NALCN: variants seen among roughly 807,000 people sequenced by gnomAD.
The protein encoded by NALCN is sodium leak channel, non-selective, also known as sodium leak channel NALCN.
In NALCN, 111 loss-of-function variants were observed where a neutral mutation model predicts 225.3. The ratio of observed to expected loss-of-function variants is 0.49; its 90% CI spans 0.42 to 0.58. NALCN has a LOEUF of 0.58. Ranked by LOEUF, NALCN falls within the 20% of genes least tolerant of loss-of-function variation. The pLI is 0.00. For missense variants in NALCN, 1,378 were observed against 2,202.4 expected, an observed-to-expected ratio of 0.63 and a Z score of 7.49; for synonymous variants, 764 against 769.0, an observed-to-expected ratio of 0.99 and a Z score of 0.11.
intron 27 of NALCN, among the ~76,000 whole-genome samples, 174 bp from the exon 28 acceptor site, chr13:101,095,854 T>C (rs2034473880): frequency 6.6e-6 from 1 of 152,032 alleles, no homozygotes; most frequent in Admixed American, 6.6e-5. Flanking sequence ...GACAGGCAGT[T>C]AAAAATCGAT....
chr13:101,304,118 T>C (rs2044069130), intron 7 of NALCN, among the ~76,000 whole-genome samples: 1 of 152,206 alleles, frequency 6.6e-6, no homozygotes, highest in African/African-American at 2.4e-5. Context: ...AGCCAGGTGT[T>C]TGAGCTTCAA....
rs148584996 is a variant in NALCN at position 101,211,310 on chromosome 13, C to G, written c.1626+18083G>C. ...AAAACTACCAAAATAAGATGAGCTG[C>G]AAAAATAGGTTCTCCCTGAAAGAGT... is the stretch of plus-strand genomic sequence containing the variant. On this transcript the variant is annotated intron_variant, in intron 13 of 43. Transcript: ENST00000251127. 4.7e-3 allele frequency among the ~76,000 whole-genome samples: 716 copies of G among 152,030 alleles called. 8 individuals are homozygous for G. Among genetic ancestry groups the G allele is most frequent in the African/African-American group, 0.017 (697 of 41,470 alleles).
In NALCN at chr13:101,238,019, C is replaced by T. The variant is rs571599448; in HGVS notation, c.1267-97G>A. Reference sequence around the variant, plus strand: ...TCAGTGTATGAATTTTTGCCACTATCATATACACTAAGGTGCCCCATAAGG... The same window carrying T: ...TCAGTGTATGAATTTTTGCCACTATTATATACACTAAGGTGCCCCATAAGG... On this transcript the variant is annotated intron_variant, in intron 11 of 43. Transcript: ENST00000251127. 75 of 1,058,938 alleles carry T rather than the reference C, an allele frequency of 7.1e-5. No individual in the cohort carries two copies. The African/African-American group carries it at 1.0e-3, about 14-fold the overall frequency. 65.6% of individuals were successfully genotyped at this position (1,058,938 alleles called of 1,614,324 possible).
At chr13:101,131,159 C>A (rs1239770952) in intron 17 of NALCN, among the ~76,000 whole-genome samples, 1 of 152,078 alleles carries the variant, frequency 6.6e-6, no homozygotes, top group Non-Finnish European at 1.5e-5. Flanking sequence ...TCTGGCACCT[C>A]ATTTCTGAGT....
At chr13:101,110,524 A>G in intron 20 of NALCN, 95 bp downstream of exon 20, 1 of 1,314,334 alleles carries the variant, frequency 7.6e-7, no homozygotes, top group Non-Finnish European at 1.1e-6. Flanking sequence ...AGACATGGGA[A>G]TGCAGCAGAA....
At chr13:101,241,380 C>T (rs1323139609) in intron 11 of NALCN, among the ~76,000 whole-genome samples, 2 of 152,176 alleles carry the variant, frequency 1.3e-5, no homozygotes, top group African/African-American at 4.8e-5. Flanking sequence ...GGATTTTGAG[C>T]TCCAACCCCA....
intron 7 of NALCN, among the ~76,000 whole-genome samples, chr13:101,327,986 C>T (rs2045022313): frequency 6.6e-6 from 1 of 152,126 alleles, no homozygotes; most frequent in Non-Finnish European, 1.5e-5. Flanking sequence ...CAGCCACAGA[C>T]CATGTCTAAA....
intron 11 of NALCN, among the ~76,000 whole-genome samples, chr13:101,257,209 G>GTTTTTTTTTTTT (rs34334262): frequency 5.0e-5 from 6 of 121,120 alleles, no homozygotes; most frequent in Non-Finnish European, 6.7e-5. Flanking sequence ...ATTGTTTATT[G>GTTTTTTTTTTTT]TTTTTTTTTT....
At chr13:101,147,483 T>A (rs533504548) in intron 15 of NALCN, among the ~76,000 whole-genome samples, 1 of 152,072 alleles carries the variant, frequency 6.6e-6, no homozygotes, top group South Asian at 2.1e-4. Flanking sequence ...GCTGGAATTA[T>A]AAGCATGCAC....
chr13:101,123,575 G>A (rs1394286298), intron 18 of NALCN, among the ~76,000 whole-genome samples: 1 of 152,138 alleles, frequency 6.6e-6, no homozygotes, highest in African/African-American at 2.4e-5. Flanking sequence ...ATTTTGTGGT[G>A]ATAATATACA....
At chr13:101,282,936 C>T (rs9518363) in intron 10 of NALCN, among the ~76,000 whole-genome samples, 65,349 of 151,812 alleles carry the variant, frequency 0.43, 14,371 homozygotes, top group African/African-American at 0.52. Flanking sequence ...TAAGAAGTCC[C>T]TATCTGGAGA....
chr13:101,230,664 A>G (rs1346526203), intron 12 of NALCN, among the ~76,000 whole-genome samples: 3 of 152,192 alleles, frequency 2.0e-5, no homozygotes, highest in Admixed American at 1.3e-4. Context: ...ATAGAATACG[A>G]CAGGTCCTGT....
chr13:101,263,927 T>C (rs2042513962), intron 10 of NALCN, among the ~76,000 whole-genome samples: 1 of 152,242 alleles, frequency 6.6e-6, no homozygotes, highest in Non-Finnish European at 1.5e-5. Context: ...GCTATCAGTT[T>C]CTTTAATGTA....
rs686141 is a variant in NALCN at position 101,083,724 on chromosome 13, A to C, written c.3570T>G (p.Leu1190=). 6.2e-7 allele frequency: 1 copy of C among 1,613,102 alleles called. No individual in the cohort carries two copies. The highest frequency in any genetic ancestry group is 2.2e-5 in the East Asian group (1 of 44,822). ...CATTTTGGGTACCCGGGCGAGGCGG[A>C]AGATGAAGAGGCTGTGCGATCTTCA... ...SRLKIAQPLH[L]PPRPDNDGFR... Residue 1190 remains leucine (L), a synonymous_variant, in exon 31 of 44, where the codon CTT becomes CTG. Coordinates refer to ENST00000251127, the MANE Select transcript of NALCN (RefSeq NM_052867.4).
Position 101,378,653 on chromosome 13 carries a change from C to G in NALCN, c.292G>C (p.Gly98Arg), listed in dbSNP as rs1347126152. Residue 98 changes from glycine (G) to arginine (R), a missense_variant and splice_region_variant, in exon 4 of 44, where the codon GGG (glycine) becomes CGG (arginine). Physicochemically the swap from Gly to Arg is moderately radical, Grantham distance 125 (BLOSUM62 -2). Transcript: ENST00000251127. ...CGATCTTTCACATAGGAACTATCCC[C>G]CTAAAAATAAATTTTACATGGCATT... is the stretch of plus-strand genomic sequence containing the variant. ...AKMHIRGIVKGDSSYVKDRWC... is the reference protein window; with the variant it reads ...AKMHIRGIVKRDSSYVKDRWC... The G allele has an allele frequency of 6.2e-7, 1 of 1,603,540 alleles. No homozygotes were observed.
intron 31 of NALCN, 134 bp from the exon 32 acceptor site, chr13:101,083,332 G>T: frequency 1.1e-5 from 8 of 728,348 alleles, no homozygotes; most frequent in Non-Finnish European, 6.7e-6. Context: ...ATTGTGAGGT[G>T]TTTTTGCAGC....
rs568262039 is a variant in NALCN, at chr13:101,103,081, T to C, written c.3057+91A>G. On this transcript the variant is annotated intron_variant, in intron 26 of 43. Coordinates refer to ENST00000251127, the MANE Select transcript of NALCN (RefSeq NM_052867.4). ...CTGGCAATAACCAAAACTATTGAAT[T>C]GACCTCAATAAGCAAGACTCACTTT... The C allele has an allele frequency of 2.7e-6, 4 of 1,456,662 alleles. No individual in the cohort carries two copies. In the East Asian group the frequency reaches 9.1e-5, roughly 33 times the overall value. The allele number at this position is 1,456,662 out of a possible 1,614,324, so 90.2% of individuals were successfully genotyped here.
At chr13:101,283,795 A>G (rs2043247616) in intron 10 of NALCN, 138 bp downstream of exon 10, 2 of 633,392 alleles carry the variant, frequency 3.2e-6, no homozygotes, top group Non-Finnish European at 5.0e-6. Flanking sequence ...GAATAGAGGA[A>G]GGAGTGAAAT....
intron 15 of NALCN, among the ~76,000 whole-genome samples, chr13:101,156,374 T>C (rs1273651393): frequency 2.0e-5 from 3 of 152,174 alleles, no homozygotes; most frequent in African/African-American, 4.8e-5. Context: ...TCATTGTTTC[T>C]AGTATATCCT....
Sources: allele counts gnomAD v4.1 joint callset (sites outside exome capture counted in the v4.1 genomes callset), GRCh38; gene constraint gnomAD v4.1.1; transcripts MANE v1.5; gene names NCBI Gene and HGNC (gene_info 2026-07-23, HGNC 2026-07-21).